ATP11A: variants seen among roughly 807,000 people sequenced by gnomAD.
ATP11A encodes the protein ATPase phospholipid transporting 11A.
A neutral mutation model predicts 154.4 loss-of-function variants in ATP11A; 81 were observed. That is an observed-to-expected ratio of 0.52 (90% CI 0.44 to 0.63). ATP11A has a LOEUF of 0.63. Ranked by LOEUF, ATP11A falls within the 30% of genes least tolerant of loss-of-function variation. The probability of loss-of-function intolerance (pLI) is 0.00; values close to 1 mark genes in which losing one functional copy is unlikely to be tolerated. For synonymous variants in ATP11A, 623 were observed against 585.9 expected (o/e 1.06, Z -0.91); for missense variants, 1,316 against 1,474.3 (o/e 0.89, Z 1.76).
intron 2 of ATP11A, among the ~76,000 whole-genome samples, chr13:112,786,090 T>C (rs2077620242): frequency 1.3e-5 from 1 of 75,948 alleles, no homozygotes; most frequent in African/African-American, 6.3e-5. Context: ...TCACCGTCCT[T>C]CAAAATGGAT....
At chr13:112,733,971 C>G (rs9577833) in intron 1 of ATP11A, among the ~76,000 whole-genome samples, 46,585 of 152,084 alleles carry the variant, frequency 0.31, 8,397 homozygotes, top group Middle Eastern at 0.43. Flanking sequence ...TTTCACTGAT[C>G]GGTCATTTGT....
chr13:112,836,950 C>T (rs1192655660), intron 16 of ATP11A, among the ~76,000 whole-genome samples: 1 of 152,246 alleles, frequency 6.6e-6, no homozygotes, highest in African/African-American at 2.4e-5. Flanking sequence ...GAGGAGCTCT[C>T]CCAGGCACTT....
At chr13:112,744,712 ACT>A (rs1276391024) in intron 1 of ATP11A, among the ~76,000 whole-genome samples, 2 of 151,942 alleles carry the variant, frequency 1.3e-5, no homozygotes, top group Non-Finnish European at 2.9e-5. Flanking sequence ...CTCCTGGTCG[ACT>A]CTTAGTCACC....
In ATP11A at chr13:112,885,834, C is replaced by G. The variant is rs1051758789; in HGVS notation, c.*3968C>G. The G allele has an allele frequency of 6.6e-6, 1 of 152,312 alleles. No individual in the cohort carries two copies. The highest frequency in any genetic ancestry group is 6.5e-5 in the Admixed American group (1 of 15,284). 9.4% of individuals were successfully genotyped at this position (152,312 alleles called of 1,614,324 possible). A position where few individuals can be genotyped will look rare whatever the true frequency, so the allele number is the denominator to read the frequency against. On this transcript the variant is annotated 3_prime_UTR_variant, in exon 30 of 30. Coordinates refer to ENST00000375645, the MANE Select transcript of ATP11A (RefSeq NM_015205.3). ...CCCATGCCTCCCTGGGATGAAGAGT[C>G]CCCCTCCTGGCAGAATGTCTGGGCT...
intron 29 of ATP11A, chr13:112,881,151 C>T: frequency 1.0e-6 from 1 of 987,712 alleles, no homozygotes; most frequent in Non-Finnish European, 1.2e-6. Flanking sequence ...CCGCCGCTGC[C>T]CCCTGGTCTA....
intron 29 of ATP11A, 85 bp downstream of exon 29, chr13:112,878,388 G>A (rs540443989): frequency 7.7e-5 from 112 of 1,459,254 alleles, no homozygotes; most frequent in East Asian, 3.9e-4. Flanking sequence ...CTGAGTCCAC[G>A]TGCTCTGACG....
Position 112,785,167 on chromosome 13 carries a change from G to T in ATP11A, c.72G>T (p.Arg24Ser). ...GAGAAGAGAATTGGGTGGACAGCAG[G>T]ACCATCTACGTGGGACACAGGGAGC... The part of the protein sequence containing the change: ...CAGEENWVDS[R>S]TIYVGHREPP... Residue 24 changes from arginine (R) to serine (S), a missense_variant, in exon 2 of 30, where the codon AGG becomes AGT. This residue lies in a region of ATP11A where 123 missense variants were observed against 113.7 expected (regional missense o/e 1.08). Transcript: ENST00000375645. This position sits in a 1 kb window ranked among gnomAD's most constrained non-coding sequence, Gnocchi z 4.8. 6.4e-7 allele frequency: 1 copy of T among 1,571,420 alleles called. No homozygotes were observed.
chr13:112,879,096 G>A (rs570915347), intron 29 of ATP11A, among the ~76,000 whole-genome samples: 22 of 152,320 alleles, frequency 1.4e-4, no homozygotes, highest in African/African-American at 5.1e-4. Flanking sequence ...CTGAAGTCGC[G>A]TTCTGTCTTT....
intron 1 of ATP11A, among the ~76,000 whole-genome samples, chr13:112,779,668 C>A (rs549498516): frequency 6.6e-6 from 1 of 152,266 alleles, no homozygotes; most frequent in Non-Finnish European, 1.5e-5. Context: ...CATCCCAGCA[C>A]TTTGGGAGGC....
At chr13:112,843,035 C>T (rs1378350437) in intron 17 of ATP11A, among the ~76,000 whole-genome samples, 1 of 152,206 alleles carries the variant, frequency 6.6e-6, no homozygotes, top group African/African-American at 2.4e-5. Flanking sequence ...CACGCTCCCT[C>T]CTGTCAGACA....
intron 3 of ATP11A, among the ~76,000 whole-genome samples, chr13:112,805,611 G>C (rs1460917875): frequency 6.6e-6 from 1 of 151,182 alleles, no homozygotes; most frequent in Admixed American, 6.6e-5. Context: ...AGGAGTGGGA[G>C]GTTGCAGTGA....
chr13:112,826,743 A>G lies in ATP11A; in HGVS notation c.1073A>G (p.Tyr358Cys). Residue 358 changes from tyrosine (Y) to cysteine (C), a missense_variant, in exon 12 of 30, where the codon TAC becomes TGC. Coordinates refer to ENST00000375645, the MANE Select transcript of ATP11A (RefSeq NM_015205.3). ...DFLAFMVLFN[Y>C]IIPVSMYVTV... ...CTGGCCTTCATGGTCCTCTTTAACT[A>G]CATCATCCCTGTGTCCATGTACGTC... is the stretch of plus-strand genomic sequence containing the variant. 6.2e-7 allele frequency: 1 copy of G among 1,614,140 alleles called. No homozygotes were observed. The highest frequency in any genetic ancestry group is 8.5e-7 in the Non-Finnish European group (1 of 1,180,034).
At chr13:112,813,942 T>C (rs977392328) in intron 5 of ATP11A, among the ~76,000 whole-genome samples, 6 of 152,244 alleles carry the variant, frequency 3.9e-5, no homozygotes, top group Non-Finnish European at 2.9e-5. Flanking sequence ...AGAGGTCATA[T>C]AATCTAGATA....
intron 8 of ATP11A, among the ~76,000 whole-genome samples, chr13:112,821,918 T>C (rs1234129983): frequency 6.6e-6 from 1 of 152,136 alleles, no homozygotes; most frequent in Admixed American, 6.5e-5. Context: ...AGACAACCCA[T>C]ATGCAGCCTG....
At position 112,725,076 on chromosome 13, in the gene ATP11A, C is replaced by T. The variant is rs190428268; in HGVS notation, c.39+34621C>T. Among the ~76,000 whole-genome samples the T allele has an allele frequency of 5.5e-3, 835 of 152,286 alleles. 7 individuals carry two copies. Among genetic ancestry groups the T allele is most frequent in the African/African-American group, 0.018 (743 of 41,544 alleles). On this transcript the variant is annotated intron_variant, in intron 1 of 29. Transcript: ENST00000375645. Reference sequence around the variant, plus strand: ...ACAGCTGATGGCCGACGCCTCTTGCCGTAGGTTGCCGGCCATGCATACCTG... The same window carrying T: ...ACAGCTGATGGCCGACGCCTCTTGCTGTAGGTTGCCGGCCATGCATACCTG...
At chr13:112,714,694 GGGGTGCTGAGAGCAC>G (rs1296416950) in intron 1 of ATP11A, among the ~76,000 whole-genome samples, 17 of 152,244 alleles carry the variant, frequency 1.1e-4, no homozygotes, top group African/African-American at 4.1e-4. Flanking sequence ...TGGAGCGGGT[GGGGTGCTGAGAGCAC>G]CGAGAGCCCC....
chr13:112,833,733 G>T (rs1169742975), intron 14 of ATP11A, among the ~76,000 whole-genome samples: 1 of 152,180 alleles, frequency 6.6e-6, no homozygotes, highest in Non-Finnish European at 1.5e-5. Flanking sequence ...TATCACCGGG[G>T]CCCTTCGTTC....
At chr13:112,791,188 A>G (rs1189964191) in intron 2 of ATP11A, among the ~76,000 whole-genome samples, 3 of 152,252 alleles carry the variant, frequency 2.0e-5, no homozygotes, top group Non-Finnish European at 4.4e-5. Flanking sequence ...GCCCAGAGGT[A>G]CAGAGAGGCA....
intron 1 of ATP11A, among the ~76,000 whole-genome samples, chr13:112,695,722 A>G (rs1594309262): frequency 6.6e-6 from 1 of 152,310 alleles, no homozygotes; most frequent in Middle Eastern, 3.4e-3. Context: ...GAAATCCTCT[A>G]TTTACAGATG....
Sources: gnomAD v4.1 joint callset for allele counts (sites outside exome capture counted in the v4.1 genomes callset) on GRCh38, gnomAD v4.1.1 for gene constraint, gnomAD v4.1.1 regional missense constraint, Gnocchi (gnomAD v3.1) non-coding constraint, MANE v1.5 for transcripts, NCBI Gene and HGNC (gene_info 2026-07-23, HGNC 2026-07-21) for gene names.